EXOSC4: variants seen among roughly 807,000 people sequenced by gnomAD.
EXOSC4 encodes exosome complex component RRP41.
EXOSC4 carries 14 observed loss-of-function variants against 20.0 expected under a neutral mutation model. The ratio of observed to expected loss-of-function variants is 0.70; its 90% confidence interval spans 0.46 to 1.09. EXOSC4 has a LOEUF of 1.09. Among genes scored for constraint, EXOSC4 ranks in the 50% least tolerant of loss-of-function variants. The pLI, the probability that EXOSC4 is intolerant of heterozygous loss-of-function variation, is 0.00. For missense variants in EXOSC4, 337 were observed against 334.0 expected (o/e 1.01, Z -0.07); for synonymous variants, 148 against 146.4 (o/e 1.01, Z -0.08).
intron 1 of EXOSC4, 197 bp from the exon 2 acceptor site, chr8:144,079,746 C>A (rs782726650): frequency 1.4e-6 from 1 of 711,278 alleles, no homozygotes; most frequent in Admixed American, 2.0e-5. Flanking sequence ...CAAGGATGGA[C>A]ACAAGGAAGC....
upstream of EXOSC4, among the ~76,000 whole-genome samples, chr8:144,075,063 GTTTA>G (rs537969682): frequency 5.9e-4 from 90 of 151,910 alleles, no homozygotes; most frequent in African/African-American, 1.6e-3. Flanking sequence ...CTTGGTTTTT[GTTTA>G]TTTGTTTTTT....
the EXOSC4 span, among the ~76,000 whole-genome samples, chr8:144,073,116 T>C: frequency 6.6e-6 from 1 of 152,258 alleles, no homozygotes; most frequent in Non-Finnish European, 1.5e-5. Context: ...GCCAGCGTGG[T>C]GGCTCACGCC....
At chr8:144,066,642 C>T in the EXOSC4 span, among the ~76,000 whole-genome samples, 4 of 151,844 alleles carry the variant, frequency 2.6e-5, no homozygotes, top group African/African-American at 9.6e-5. Flanking sequence ...CAGGGTTTCA[C>T]CCTGTTGGCC....
At position 144,078,787 on chromosome 8, in the gene EXOSC4, G is replaced by C. The variant is rs782487570; in HGVS notation, c.59G>C (p.Gly20Ala). ...QGYRVDGRRA[G>A]ELRKIQARMG... ...TACCGGGTGGACGGGCGGCGCGCCGGGGAGCTGCGCAAGATCCAGGCGCGG... is the reference window on the plus strand; with the variant it reads ...TACCGGGTGGACGGGCGGCGCGCCGCGGAGCTGCGCAAGATCCAGGCGCGG... The change falls in exon 1 of 3, where the codon GGG becomes GCG. Residue 20 changes from glycine (G) to alanine (A), a missense_variant. By Grantham distance (60) the Gly-to-Ala change is moderately conservative. Transcript: ENST00000316052. This position sits in a 1 kb window ranked among gnomAD's most constrained non-coding sequence, Gnocchi z 4.7. The C allele has an allele frequency of 2.4e-5, 37 of 1,552,578 alleles. No individual in the cohort carries two copies. Among genetic ancestry groups the C allele is most frequent in the Non-Finnish European group, 3.0e-5 (35 of 1,152,538 alleles).
upstream of EXOSC4, chr8:144,078,514 T>C (rs1276584077): frequency 2.3e-6 from 1 of 430,060 alleles, no homozygotes; most frequent in East Asian, 3.7e-5. This position sits in a 1 kb window ranked among gnomAD's most constrained non-coding sequence, Gnocchi z 4.7. Context: ...GGGGCCGCGG[T>C]GAACTCCAGT....
chr8:144,068,675 G>T, the EXOSC4 span, among the ~76,000 whole-genome samples: 1 of 152,228 alleles, frequency 6.6e-6, no homozygotes, highest in Admixed American at 6.5e-5. Flanking sequence ...GTCTTGATCA[G>T]AACAGGGGGA....
the EXOSC4 span, among the ~76,000 whole-genome samples, chr8:144,064,138 C>G: frequency 3.3e-5 from 5 of 152,240 alleles, no homozygotes. Flanking sequence ...GGCCAAATGG[C>G]CAGTGGGTGC....
the EXOSC4 span, among the ~76,000 whole-genome samples, chr8:144,072,073 G>A: frequency 6.6e-6 from 1 of 152,200 alleles, no homozygotes; most frequent in African/African-American, 2.4e-5. Flanking sequence ...TCATGTCTGG[G>A]TATTTAGGGT....
At chr8:144,077,772 T>C (rs148170719), upstream of EXOSC4, among the ~76,000 whole-genome samples, 90 of 152,262 alleles carry the variant, frequency 5.9e-4, no homozygotes, top group African/African-American at 1.5e-3. Context: ...TGGAACCCAG[T>C]TGCCATACTG....
At chr8:144,064,724 G>A in the EXOSC4 span, among the ~76,000 whole-genome samples, 2 of 152,200 alleles carry the variant, frequency 1.3e-5, no homozygotes, top group Non-Finnish European at 2.9e-5. Context: ...AGAGGCTGAG[G>A]ACCAGGACCT....
upstream of EXOSC4, chr8:144,078,570 C>T: frequency 1.4e-6 from 1 of 735,914 alleles, no homozygotes; most frequent in Non-Finnish European, 1.9e-6. This position sits in a 1 kb window ranked among gnomAD's most constrained non-coding sequence, Gnocchi z 4.7. Context: ...ACCGCAGATC[C>T]ACGGAGGTCA....
At chr8:144,067,071 G>A in the EXOSC4 span, among the ~76,000 whole-genome samples, 5 of 152,124 alleles carry the variant, frequency 3.3e-5, no homozygotes, top group African/African-American at 1.2e-4. Flanking sequence ...TGGGCAACAA[G>A]AGTGAGACTC....
the EXOSC4 span, among the ~76,000 whole-genome samples, chr8:144,072,000 T>C: frequency 2.6e-5 from 4 of 152,018 alleles, no homozygotes; most frequent in Non-Finnish European, 4.4e-5. Context: ...AAAAATAAAA[T>C]AAATGTGTAC....
In EXOSC4 at chr8:144,080,507, A is replaced by C; in HGVS notation, c.644A>C (p.Glu215Ala). The C allele has an allele frequency of 1.2e-6, 2 of 1,605,414 alleles. No homozygotes were observed. Among genetic ancestry groups the C allele is most frequent in the Non-Finnish European group, 1.7e-6 (2 of 1,179,972 alleles). Reference sequence around the variant, plus strand: ...GAGGACCACCTGGAGCGGGTGTTGGAGGCTGCTGCCCAGGCTGCCCGAGAT... The same window carrying C: ...GAGGACCACCTGGAGCGGGTGTTGGCGGCTGCTGCCCAGGCTGCCCGAGAT... ...LHEDHLERVL[E>A]AAAQAARDVH... Residue 215 changes from glutamate to alanine, a missense_variant, in exon 3 of 3, where the codon GAG (glutamate) becomes GCG (alanine). Transcript: ENST00000316052. This position sits in a 1 kb window ranked among gnomAD's most constrained non-coding sequence, Gnocchi z 4.9.
chr8:144,074,933 T>A (rs1328992504), upstream of EXOSC4, among the ~76,000 whole-genome samples: 18 of 152,202 alleles, frequency 1.2e-4, no homozygotes, highest in Non-Finnish European at 5.9e-5. Context: ...TCCTCCAATT[T>A]AATGACAATT....
chr8:144,078,611 C>A, upstream of EXOSC4: 2 of 1,173,648 alleles, frequency 1.7e-6, no homozygotes, highest in Non-Finnish European at 2.2e-6. This position sits in a 1 kb window ranked among gnomAD's most constrained non-coding sequence, Gnocchi z 4.7. Context: ...TCCCCGGAAC[C>A]GGAAGTGATG....
upstream of EXOSC4, among the ~76,000 whole-genome samples, chr8:144,075,846 T>G (rs1835831784): frequency 6.6e-6 from 1 of 152,256 alleles, no homozygotes. Context: ...ATGTTTGTTA[T>G]GTGTTGGGAC....
chr8:144,072,061 G>A, the EXOSC4 span, among the ~76,000 whole-genome samples: 1 of 152,212 alleles, frequency 6.6e-6, no homozygotes, highest in East Asian at 1.9e-4. Flanking sequence ...AAAGTGTAAA[G>A]ATCATGTCTG....
chr8:144,074,136 G>T (rs143478206), upstream of EXOSC4, among the ~76,000 whole-genome samples: 2 of 152,172 alleles, frequency 1.3e-5, no homozygotes, highest in Non-Finnish European at 2.9e-5. Context: ...GCCCCTTCCC[G>T]GCTTGGGCCC....
Sources: gnomAD v4.1 joint callset for allele counts (sites outside exome capture counted in the v4.1 genomes callset) on GRCh38, gnomAD v4.1.1 for gene constraint, Gnocchi (gnomAD v3.1) non-coding constraint, MANE v1.5 for transcripts, NCBI Gene and HGNC (gene_info 2026-07-23, HGNC 2026-07-21) for gene names.